The following DLG2 variants were observed in gnomAD, a reference collection of about 807,000 sequenced individuals.
DLG2 encodes discs large MAGUK scaffold protein 2.
In DLG2, 45 loss-of-function variants were observed where a neutral mutation model predicts 132.5. That is an observed-to-expected ratio of 0.34 (90% CI 0.27 to 0.44). DLG2 has a LOEUF of 0.44. DLG2 is among the 20% of genes least tolerant of loss of function. The pLI, the probability that DLG2 is intolerant of heterozygous loss-of-function variation, is 1.00. For synonymous variants in DLG2, 424 were observed against 419.6 expected, an observed-to-expected ratio of 1.01 and a Z score of -0.13; for missense variants, 1,045 against 1,196.9, an observed-to-expected ratio of 0.87 and a Z score of 1.87.
intron 7 of DLG2, among the ~76,000 whole-genome samples, chr11:84,278,277 GAAGA>G (rs1450276756): frequency 6.6e-6 from 1 of 151,902 alleles, no homozygotes; most frequent in Non-Finnish European, 1.5e-5. Flanking sequence ...AACTAATCAA[GAAGA>G]AATAAGTACT....
intron 6 of DLG2, among the ~76,000 whole-genome samples, chr11:84,663,342 C>T (rs942633563): frequency 1.3e-5 from 2 of 151,802 alleles, no homozygotes; most frequent in Admixed American, 1.3e-4. Flanking sequence ...TCCCTCCCTT[C>T]CCTGACCCAA....
rs1312792436 is a variant in DLG2, at chr11:83,456,141, G to A, written c.*3677C>T. 2.0e-5 allele frequency: 3 copies of A among 152,842 alleles called. No individual in the cohort carries two copies. The highest frequency in any genetic ancestry group is 4.4e-5 in the Non-Finnish European group (3 of 68,074). 9.5% of individuals were successfully genotyped at this position (152,842 alleles called of 1,614,324 possible). On this transcript the variant is annotated 3_prime_UTR_variant, in exon 28 of 28. Transcript: ENST00000376104. Reference sequence around the variant, plus strand: ...GAGGTTTGCTATCAGAATAATTGGGGCCAGAGTCTGCCTTTATTGAAAGAA... The same window carrying A: ...GAGGTTTGCTATCAGAATAATTGGGACCAGAGTCTGCCTTTATTGAAAGAA...
Position 83,466,222 on chromosome 11 carries a change from A to C in DLG2, c.2729+486T>G, listed in dbSNP as rs376369208. ...GAACCAAGGAAAATGCCAATGAAAA[A>C]AGTCTCAAACGTTGTCTGCTCTCTC... On this transcript the variant is annotated intron_variant, in intron 26 of 27. Transcript: ENST00000376104. Among the ~76,000 whole-genome samples the C allele has an allele frequency of 8.5e-5, 13 of 152,204 alleles. No homozygotes were observed. In the East Asian group the frequency reaches 1.7e-3, roughly 20 times the overall value.
chr11:85,229,694 T>C (rs1265278070), intron 4 of DLG2, among the ~76,000 whole-genome samples: 9 of 152,128 alleles, frequency 5.9e-5, no homozygotes, highest in African/African-American at 2.2e-4. Flanking sequence ...TGCACACATA[T>C]GTTTACTGCA....
chr11:83,620,695 C>A (rs998078818), intron 19 of DLG2, among the ~76,000 whole-genome samples: 3 of 150,838 alleles, frequency 2.0e-5, no homozygotes, highest in Non-Finnish European at 4.4e-5. Flanking sequence ...ACGGTGAAAC[C>A]CCGTCTCTAC....
At chr11:83,802,364 C>T (rs762578047) in intron 17 of DLG2, among the ~76,000 whole-genome samples, 29 of 152,052 alleles carry the variant, frequency 1.9e-4, no homozygotes, top group Non-Finnish European at 5.9e-5. Context: ...ATGTTCTATC[C>T]TGAGATGAGA....
intron 7 of DLG2, among the ~76,000 whole-genome samples, chr11:84,421,481 G>T (rs1367587537): frequency 6.6e-6 from 1 of 152,132 alleles, no homozygotes; most frequent in Non-Finnish European, 1.5e-5. Flanking sequence ...TGATTTCCAT[G>T]CACACTAAAG....
At chr11:85,018,914 TAAGAC>T (rs2059799271) in intron 6 of DLG2, among the ~76,000 whole-genome samples, 1 of 152,124 alleles carries the variant, frequency 6.6e-6, no homozygotes, top group Non-Finnish European at 1.5e-5. Flanking sequence ...AAACAAATCT[TAAGAC>T]TATAACACTT....
chr11:83,536,164 A>G (rs2095872173), intron 20 of DLG2, among the ~76,000 whole-genome samples: 1 of 152,128 alleles, frequency 6.6e-6, no homozygotes. Flanking sequence ...CCATCTCCCT[A>G]ATGTCCTGAA....
At chr11:84,969,063 T>C (rs912990208) in intron 6 of DLG2, among the ~76,000 whole-genome samples, 3 of 150,834 alleles carry the variant, frequency 2.0e-5, no homozygotes, top group Non-Finnish European at 3.0e-5. Context: ...GGAAACTTTA[T>C]TCTTCACTTG....
intron 3 of DLG2, chr11:85,469,681 A>C (rs118121257): frequency 3.3e-5 from 5 of 152,314 alleles, no homozygotes; most frequent in Non-Finnish European, 7.4e-5. Context: ...GTTCTTATTT[A>C]TGATGTGACA....
intron 6 of DLG2, among the ~76,000 whole-genome samples, chr11:85,060,368 C>A (rs1036133025): frequency 6.7e-6 from 1 of 149,538 alleles, no homozygotes. Context: ...ATAAATGAAT[C>A]TCATAATACA....
chr11:84,712,366 C>G (rs2060544987), intron 6 of DLG2, among the ~76,000 whole-genome samples: 1 of 151,988 alleles, frequency 6.6e-6, no homozygotes. Flanking sequence ...TCAAGGGGGT[C>G]AAAAGGTCAA....
intron 6 of DLG2, among the ~76,000 whole-genome samples, chr11:84,988,195 C>A (rs2056710433): frequency 6.6e-6 from 1 of 152,124 alleles, no homozygotes; most frequent in Non-Finnish European, 1.5e-5. Context: ...CAATTTGATA[C>A]CACCTTACTC....
chr11:85,134,729 T>C (rs1020869300), intron 5 of DLG2, among the ~76,000 whole-genome samples: 1 of 152,062 alleles, frequency 6.6e-6, no homozygotes, highest in Non-Finnish European at 1.5e-5. Context: ...GAGAGCACTG[T>C]TCATAAAGAT....
At chr11:84,328,035 C>T (rs1266056103) in intron 7 of DLG2, among the ~76,000 whole-genome samples, 2 of 152,144 alleles carry the variant, frequency 1.3e-5, no homozygotes, top group Admixed American at 6.5e-5. Context: ...CTTCCCCCAA[C>T]TCTTCCCGTT....
At chr11:83,787,172 A>G (rs892755746) in intron 17 of DLG2, among the ~76,000 whole-genome samples, 5 of 152,082 alleles carry the variant, frequency 3.3e-5, no homozygotes, top group Admixed American at 3.3e-4. Context: ...AAATAGACAA[A>G]TATATGCTAA....
At chr11:83,530,534 G>A (rs963449395) in intron 21 of DLG2, among the ~76,000 whole-genome samples, 7 of 151,888 alleles carry the variant, frequency 4.6e-5, no homozygotes, top group Non-Finnish European at 5.9e-5. Flanking sequence ...AAAAGAGAAC[G>A]GGAAGAGAGA....
chr11:83,605,031 G>C (rs929459750), intron 19 of DLG2, among the ~76,000 whole-genome samples: 5 of 151,274 alleles, frequency 3.3e-5, no homozygotes, highest in Admixed American at 3.3e-4. Context: ...GAGAGAGAGA[G>C]AGAGAGATTG....
Sources: gnomAD v4.1 joint callset for allele counts (sites outside exome capture counted in the v4.1 genomes callset) on GRCh38, gnomAD v4.1.1 for gene constraint, MANE v1.5 for transcripts, NCBI Gene and HGNC (gene_info 2026-07-23, HGNC 2026-07-21) for gene names.